MICAL2: variants seen among roughly 807,000 people sequenced by gnomAD.
MICAL2 encodes [F-actin]-monooxygenase MICAL2.
A neutral mutation model predicts 127.3 loss-of-function variants in MICAL2; 77 were observed. The ratio of observed to expected loss-of-function variants is 0.60; its 90% CI spans 0.50 to 0.73. The LOEUF (loss-of-function observed/expected upper bound fraction) is 0.73. Among genes scored for constraint, MICAL2 ranks in the 30% least tolerant of loss-of-function variants. The pLI, the probability that MICAL2 is intolerant of heterozygous loss-of-function variation, is 0.00. For missense variants in MICAL2, 1,351 were observed against 1,434.4 expected, an observed-to-expected ratio of 0.94 and a Z score of 0.94; for synonymous variants, 570 against 551.1, an observed-to-expected ratio of 1.03 and a Z score of -0.48.
At chr11:12,274,387 T>C (rs945838878), upstream of MICAL2, 1 of 152,192 alleles carries the variant, frequency 6.6e-6, no homozygotes, top group Non-Finnish European at 1.5e-5. Context: ...ACTGCTTACA[T>C]TCTAGTCATA....
chr11:12,312,338 CTT>C (rs141672182), intron 29 of MICAL2, among the ~76,000 whole-genome samples: 48 of 142,352 alleles, frequency 3.4e-4, no homozygotes, highest in East Asian at 8.1e-4. Context: ...CATTTCTCAA[CTT>C]TTTTTTTTTT....
At chr11:12,319,299 C>T (rs184264796) in intron 29 of MICAL2, among the ~76,000 whole-genome samples, 55 of 152,232 alleles carry the variant, frequency 3.6e-4, no homozygotes, top group African/African-American at 1.3e-3. Flanking sequence ...CTCTGCAGAA[C>T]GAACCTTACA....
chr11:12,232,520 C>G (rs1267366697), intron 15 of MICAL2, among the ~76,000 whole-genome samples: 2 of 152,124 alleles, frequency 1.3e-5, no homozygotes, highest in Non-Finnish European at 2.9e-5. Flanking sequence ...GCCAGGAGTT[C>G]AAGACCAGCC....
chr11:12,284,749 G>C lies in MICAL2; in HGVS notation c.255-2338G>C, dbSNP rs973942706. Among the ~76,000 whole-genome samples the C allele has an allele frequency of 2.6e-5, 4 of 152,188 alleles. No individual in the cohort carries two copies. The East Asian group carries it at 5.8e-4, about 22-fold the overall frequency. On this transcript the variant is annotated intron_variant, in intron 2 of 2. Transcript: ENST00000529028. ...GGAAAGCCCAGGCAGCCAGCAATTG[G>C]GGGGTGGGCTATTCATCTCCTCATG... is the stretch of plus-strand genomic sequence containing the variant.
intron 1 of MICAL2, among the ~76,000 whole-genome samples, chr11:12,135,736 T>G (rs1590027869): frequency 1.3e-5 from 2 of 152,272 alleles, no homozygotes; most frequent in Admixed American, 1.3e-4. Flanking sequence ...AGCCTGCACA[T>G]TTAGACACTT....
intron 1 of MICAL2, among the ~76,000 whole-genome samples, chr11:12,125,063 G>A (rs1027935661): frequency 5.3e-5 from 8 of 152,212 alleles, no homozygotes; most frequent in African/African-American, 1.9e-4. Context: ...TTTAGCCACT[G>A]GGGCTTCCTG....
At chr11:12,359,474 G>C (rs143162666), downstream of MICAL2, among the ~76,000 whole-genome samples, 147 of 152,294 alleles carry the variant, frequency 9.7e-4, no homozygotes, top group Middle Eastern at 0.01. Context: ...GACTCAAAGA[G>C]AGAAGTATCT....
intron 26 of MICAL2, chr11:12,260,316 C>T (rs981120861): frequency 7.0e-7 from 1 of 1,423,362 alleles, no homozygotes; most frequent in Non-Finnish European, 9.1e-7. Flanking sequence ...CATGGGCCAC[C>T]TCCGCCTGGC....
chr11:12,204,167 G>A lies in MICAL2; in HGVS notation c.265-83G>A, dbSNP rs78572733. 1,884 of 1,333,296 alleles carry A rather than the reference G, an allele frequency of 1.4e-3. 31 individuals are homozygous for A. In the East Asian group the frequency reaches 0.036, roughly 26 times the overall value. 82.6% of individuals were successfully genotyped at this position (1,333,296 alleles called of 1,614,324 possible). A position where few individuals can be genotyped will look rare whatever the true frequency, so the allele number is the denominator to read the frequency against. ...TTGGTTCAGGAAGAGTGGGATTTGC[G>A]CTTCAGTTTTCCTGCTGACTGGGGG... is the stretch of plus-strand genomic sequence containing the variant. On this transcript the variant is annotated intron_variant, in intron 3 of 27. Transcript: ENST00000683283.
Position 12,169,460 on chromosome 11 carries a change from A to G in MICAL2, c.264+7041A>G, listed in dbSNP as rs1264244737. ...GAGTGCAGTGGCATGATCTCAGCTC[A>G]CTGCAACCTCCGCCTCTCAGGTTCA... On this transcript the variant is annotated intron_variant, in intron 3 of 27. Coordinates refer to ENST00000683283, the MANE Select transcript of MICAL2 (RefSeq NM_001282663.2). Among the ~76,000 whole-genome samples, 10 of 152,308 alleles carry G rather than the reference A, an allele frequency of 6.6e-5. No homozygotes were observed. The East Asian group carries it at 1.7e-3, about 26-fold the overall frequency.
At chr11:12,255,494 C>A (rs1862202082) in intron 22 of MICAL2, 149 bp from the exon 23 acceptor site, 1 of 650,842 alleles carries the variant, frequency 1.5e-6, no homozygotes, top group Admixed American at 2.6e-5. Flanking sequence ...CGTTCTGCTC[C>A]TGGCTGGTTT....
At chr11:12,153,619 G>T (rs1054138933) in intron 2 of MICAL2, among the ~76,000 whole-genome samples, 18 of 152,134 alleles carry the variant, frequency 1.2e-4, no homozygotes, top group African/African-American at 4.3e-4. Flanking sequence ...TGTATTTTTG[G>T]TAGAGATGGG....
At chr11:12,187,861 C>CCCTT (rs1222901351) in intron 3 of MICAL2, among the ~76,000 whole-genome samples, 1 of 152,004 alleles carries the variant, frequency 6.6e-6, no homozygotes, top group African/African-American at 2.4e-5. Flanking sequence ...TCGTCTTTTG[C>CCCTT]CCTTGTTCCC....
chr11:12,160,854 T>C (rs1854702872), intron 2 of MICAL2, among the ~76,000 whole-genome samples: 1 of 152,194 alleles, frequency 6.6e-6, no homozygotes, highest in African/African-American at 2.4e-5. Flanking sequence ...GCACCAGTAA[T>C]TGTTGCTGAG....
At position 12,349,925 on chromosome 11, in the gene MICAL2, A is replaced by T. The variant is rs565873445; in HGVS notation, c.5603A>T (p.Glu1868Val). 6 of 1,613,834 alleles carry T rather than the reference A, an allele frequency of 3.7e-6. No homozygotes were observed. The African/African-American group carries it at 6.7e-5, about 18-fold the overall frequency. Residue 1868 changes from glutamate to valine, a missense_variant, in exon 33 of 35, where the codon GAG becomes GTG. Glu to Val is a moderately radical substitution (Grantham distance 121). Coordinates refer to the MICAL2 transcript ENST00000646065. ...AATAAATTAATGCGATATGAGTCGG[A>T]GCTCCTAATCATGTAAGTAAGGCAA...
chr11:12,262,275 G>A (rs991232574), intron 26 of MICAL2: 50 of 1,423,374 alleles, frequency 3.5e-5, no homozygotes, highest in East Asian at 2.5e-4. Context: ...ATCCACTCTC[G>A]TAAACAAGTA....
chr11:12,287,821 G>A (rs1439685359), downstream of MICAL2, among the ~76,000 whole-genome samples: 1 of 152,202 alleles, frequency 6.6e-6, no homozygotes, highest in Non-Finnish European at 1.5e-5. Context: ...CACTCACTGA[G>A]CAGAGTTACC....
chr11:12,175,273 C>T (rs765906274), intron 3 of MICAL2, among the ~76,000 whole-genome samples: 1 of 151,740 alleles, frequency 6.6e-6, no homozygotes, highest in Non-Finnish European at 1.5e-5. Context: ...GTCAGAAGTT[C>T]GAGACCAGCC....
At chr11:12,285,011 A>C (rs973888794) in intron 2 of MICAL2, among the ~76,000 whole-genome samples, 3 of 152,228 alleles carry the variant, frequency 2.0e-5, no homozygotes, top group African/African-American at 7.2e-5. Flanking sequence ...GCTGTACAGG[A>C]GACCAGAATT....
Sources: gnomAD v4.1 joint callset for allele counts (sites outside exome capture counted in the v4.1 genomes callset) on GRCh38, gnomAD v4.1.1 for gene constraint, MANE v1.5 for transcripts, NCBI Gene and HGNC (gene_info 2026-07-23, HGNC 2026-07-21) for gene names.